USP34: variants seen among roughly 807,000 people sequenced by gnomAD.
The protein encoded by USP34 is ubiquitin specific peptidase 34.
In USP34, 70 loss-of-function variants were observed where a neutral mutation model predicts 460.3. The ratio of observed to expected loss-of-function variants is 0.15; its 90% CI spans 0.13 to 0.19. USP34 has a LOEUF of 0.19. Among genes scored for constraint, USP34 ranks in the 10% least tolerant of loss-of-function variants. USP34 has a pLI of 1.00. For synonymous variants in USP34, 1,647 were observed against 1,405.3 expected (o/e 1.17, Z -3.85); for missense variants, 3,985 against 4,236.2 (o/e 0.94, Z 1.65).
At chr2:61,195,507 A>G (rs1026553775) in intron 75 of USP34, among the ~76,000 whole-genome samples, 8 of 151,882 alleles carry the variant, frequency 5.3e-5, no homozygotes, top group Admixed American at 2.6e-4. Context: ...CCCCGTTTCT[A>G]CTAAAAATAC....
At chr2:61,421,288 T>A (rs566022463) in intron 1 of USP34, among the ~76,000 whole-genome samples, 62 of 151,690 alleles carry the variant, frequency 4.1e-4, no homozygotes, top group African/African-American at 1.5e-3. Flanking sequence ...CAAGAACCAG[T>A]CTCATGGTAC....
intron 7 of USP34, 85 bp downstream of exon 7, chr2:61,380,084 G>A: frequency 8.4e-7 from 1 of 1,185,984 alleles, no homozygotes; most frequent in South Asian, 1.6e-5. Flanking sequence ...TGCCTAGTAT[G>A]AAGTGCTCCA....
At chr2:61,341,337 T>C (rs574590829) in intron 16 of USP34, among the ~76,000 whole-genome samples, 53 of 152,322 alleles carry the variant, frequency 3.5e-4, no homozygotes, top group African/African-American at 1.2e-3. Context: ...CTGGGTCATA[T>C]GGTAGGTATA....
Position 61,188,233 on chromosome 2 carries a change from A to T in USP34, c.10510T>A (p.Cys3504Ser), listed in dbSNP as rs1481374551. ...CTAAAGAGTCCTCTGGAATGGCCAC[A>T]ACTGAGAGATAAAGCAACCTCAGGG... ...QDPEVALSLSCGHSRGLFSHM... is the reference protein window; with the variant it reads ...QDPEVALSLSSGHSRGLFSHM... The change falls in exon 80 of 80, where the codon TGT becomes AGT. Residue 3504 changes from cysteine to serine, a missense_variant. This residue lies in a region of USP34 where 506 missense variants were observed against 439.0 expected (regional missense o/e 1.15). Transcript: ENST00000398571. 1.2e-6 allele frequency: 2 copies of T among 1,614,060 alleles called. No homozygotes were observed. The highest frequency in any genetic ancestry group is 1.7e-6 in the Non-Finnish European group (2 of 1,180,050).
chr2:61,405,232 C>CAAAA (rs199659618), intron 3 of USP34, among the ~76,000 whole-genome samples: 104 of 78,032 alleles, frequency 1.3e-3, no homozygotes, highest in Non-Finnish European at 1.6e-3. Context: ...GACTCCATCT[C>CAAAA]AAAAAAAAAA....
chr2:61,239,358 T>A (rs1425421223), intron 53 of USP34, among the ~76,000 whole-genome samples: 2 of 132,450 alleles, frequency 1.5e-5, no homozygotes, highest in South Asian at 4.7e-4. Context: ...ACACAGAAGT[T>A]TGAGAACCAC....
intron 18 of USP34, among the ~76,000 whole-genome samples, chr2:61,337,943 A>C (rs1236683362): frequency 6.6e-6 from 1 of 152,270 alleles, no homozygotes; most frequent in Non-Finnish European, 1.5e-5. Flanking sequence ...GACTTTTAAA[A>C]GAAAATTAAC....
intron 53 of USP34, among the ~76,000 whole-genome samples, chr2:61,236,777 A>G (rs184769640): frequency 6.6e-6 from 1 of 152,202 alleles, no homozygotes; most frequent in Non-Finnish European, 1.5e-5. Flanking sequence ...TAGCAGACCT[A>G]AATCAGACGT....
chr2:61,428,571 C>T (rs1230635845), intron 1 of USP34, among the ~76,000 whole-genome samples: 1 of 152,148 alleles, frequency 6.6e-6, no homozygotes, highest in Non-Finnish European at 1.5e-5. Context: ...AGAAATTTAA[C>T]CTGAATCTGA....
intron 10 of USP34, among the ~76,000 whole-genome samples, chr2:61,367,669 AAATAT>A (rs1692482474): frequency 6.6e-6 from 1 of 152,190 alleles, no homozygotes; most frequent in Admixed American, 6.5e-5. Flanking sequence ...ATAATGGAAG[AAATAT>A]AATTGAAGAA....
chr2:61,420,632 T>C, intron 2 of USP34, 114 bp downstream of exon 2: 1 of 554,076 alleles, frequency 1.8e-6, no homozygotes, highest in Non-Finnish European at 3.1e-6. Flanking sequence ...AAACTGTCAT[T>C]TAGTAACTAA....
At chr2:61,417,558 A>C (rs1313334905) in intron 2 of USP34, among the ~76,000 whole-genome samples, 3 of 152,106 alleles carry the variant, frequency 2.0e-5, no homozygotes, top group African/African-American at 7.2e-5. Flanking sequence ...TCTCAGTCTC[A>C]CACCATGGAT....
At chr2:61,355,689 G>T (rs1692081799) in intron 10 of USP34, among the ~76,000 whole-genome samples, 1 of 152,088 alleles carries the variant, frequency 6.6e-6, no homozygotes, top group South Asian at 2.1e-4. Context: ...AGTAATGGAA[G>T]AAATGAGGCA....
At chr2:61,462,297 C>G (rs1478453775) in intron 1 of USP34, among the ~76,000 whole-genome samples, 4 of 146,848 alleles carry the variant, frequency 2.7e-5, no homozygotes, top group African/African-American at 1.0e-4. Context: ...GCCTGTAATC[C>G]CAGCAGTTTG....
At chr2:61,278,844 G>T (rs969526083) in intron 39 of USP34, among the ~76,000 whole-genome samples, 3 of 151,362 alleles carry the variant, frequency 2.0e-5, no homozygotes, top group African/African-American at 7.3e-5. Context: ...ACTTTATTGA[G>T]ATGTAATTCA....
intron 27 of USP34, among the ~76,000 whole-genome samples, chr2:61,304,326 C>T (rs1432639881): frequency 6.6e-6 from 1 of 152,130 alleles, no homozygotes; most frequent in Non-Finnish European, 1.5e-5. Context: ...TAACTTTGTT[C>T]CAAAAGAGAA....
At chr2:61,360,142 C>T (rs1692230770) in intron 10 of USP34, among the ~76,000 whole-genome samples, 1 of 149,908 alleles carries the variant, frequency 6.7e-6, no homozygotes, top group African/African-American at 2.4e-5. Context: ...CTCTAAGATC[C>T]AGGAAAGGCA....
At chr2:61,203,073 C>T (rs1687022257) in intron 75 of USP34, 67 bp downstream of exon 75, 1 of 1,365,370 alleles carries the variant, frequency 7.3e-7, no homozygotes, top group Non-Finnish European at 9.6e-7. Context: ...TAATTTTTCT[C>T]CCCTTCCTGA....
intron 75 of USP34, among the ~76,000 whole-genome samples, chr2:61,195,100 A>T (rs1005676708): frequency 1.3e-5 from 2 of 152,026 alleles, no homozygotes; most frequent in African/African-American, 2.4e-5. Flanking sequence ...CACACCTGTA[A>T]TCCCAGCTAT....
Sources: gnomAD v4.1 joint callset for allele counts (sites outside exome capture counted in the v4.1 genomes callset) on GRCh38, gnomAD v4.1.1 for gene constraint, gnomAD v4.1.1 regional missense constraint, MANE v1.5 for transcripts, NCBI Gene and HGNC (gene_info 2026-07-23, HGNC 2026-07-21) for gene names.